The following STK32B variants were observed in gnomAD, a reference collection of about 807,000 sequenced individuals.
STK32B encodes serine/threonine-protein kinase 32B.
In STK32B, 43 loss-of-function variants were observed where a neutral mutation model predicts 52.6. That is an observed-to-expected ratio of 0.82 (90% CI 0.64 to 1.05). The LOEUF (loss-of-function observed/expected upper bound fraction) is 1.05, where lower values mean the gene tolerates loss of function less well. Ranked by LOEUF, STK32B falls within the 50% of genes least tolerant of loss-of-function variation. STK32B has a pLI of 0.00. For missense variants in STK32B, 621 were observed against 534.6 expected, an observed-to-expected ratio of 1.16 and a Z score of -1.59; for synonymous variants, 238 against 204.3, an observed-to-expected ratio of 1.17 and a Z score of -1.41.
intron 1 of STK32B, among the ~76,000 whole-genome samples, chr4:5,106,762 A>G (rs527401901): frequency 1.7e-4 from 26 of 152,254 alleles, no homozygotes; most frequent in African/African-American, 6.0e-4. Context: ...CATGCTATTT[A>G]CTTGTGTAGA....
At chr4:5,382,056 G>C (rs1476766774) in intron 4 of STK32B, among the ~76,000 whole-genome samples, 1 of 152,170 alleles carries the variant, frequency 6.6e-6, no homozygotes, top group East Asian at 1.9e-4. Flanking sequence ...GCTTGCGAGA[G>C]GCCAGTTTCT....
chr4:5,403,621 G>C (rs967179881), intron 5 of STK32B, among the ~76,000 whole-genome samples: 18 of 152,132 alleles, frequency 1.2e-4, no homozygotes, highest in African/African-American at 4.1e-4. Context: ...TCAAAGAATT[G>C]CCTTTCCATC....
chr4:5,169,786 T>G (rs1719212065), intron 3 of STK32B, among the ~76,000 whole-genome samples: 1 of 152,094 alleles, frequency 6.6e-6, no homozygotes, highest in African/African-American at 2.4e-5. Context: ...CAATATGTGT[T>G]CTTGGCAAAA....
At chr4:5,037,177 A>AG in the STK32B span, among the ~76,000 whole-genome samples, 1 of 152,202 alleles carries the variant, frequency 6.6e-6, no homozygotes, top group Non-Finnish European at 1.5e-5. Flanking sequence ...TAGGGCCAGT[A>AG]GCACCACTTC....
chr4:5,289,619 C>T (rs937625456), intron 3 of STK32B, among the ~76,000 whole-genome samples: 8 of 151,466 alleles, frequency 5.3e-5, no homozygotes, highest in African/African-American at 1.2e-4. Context: ...CCCGGGTTCA[C>T]GCCATTCTCC....
At chr4:5,123,748 C>T (rs564060410) in intron 1 of STK32B, among the ~76,000 whole-genome samples, 4 of 152,198 alleles carry the variant, frequency 2.6e-5, no homozygotes, top group South Asian at 4.2e-4. Flanking sequence ...TCCTTAAAGA[C>T]CACATAAGCA....
intron 4 of STK32B, among the ~76,000 whole-genome samples, chr4:5,357,219 G>A (rs1442276809): frequency 1.3e-5 from 2 of 152,110 alleles, no homozygotes; most frequent in African/African-American, 4.8e-5. Context: ...AAACCAAATG[G>A]CAGGTTCACA....
At chr4:5,429,847 A>G (rs893984649) in intron 6 of STK32B, among the ~76,000 whole-genome samples, 1 of 152,128 alleles carries the variant, frequency 6.6e-6, no homozygotes, top group Non-Finnish European at 1.5e-5. Context: ...AACTGGATAC[A>G]GAACTCTGGG....
intron 3 of STK32B, among the ~76,000 whole-genome samples, chr4:5,311,236 C>T (rs1428779256): frequency 6.6e-6 from 1 of 152,092 alleles, no homozygotes; most frequent in Non-Finnish European, 1.5e-5. Context: ...TTGAATGTTA[C>T]CAACACAAAG....
chr4:5,261,367 A>G (rs1726702986), intron 3 of STK32B, among the ~76,000 whole-genome samples: 2 of 152,224 alleles, frequency 1.3e-5, no homozygotes, highest in Admixed American at 6.5e-5. Flanking sequence ...GGAGGCAGCA[A>G]TACCTGTTAG....
At chr4:5,267,686 A>G (rs28562107) in intron 3 of STK32B, among the ~76,000 whole-genome samples, 1,760 of 152,358 alleles carry the variant, frequency 0.012, 21 homozygotes, top group South Asian at 0.056. Flanking sequence ...TGTCTCATCC[A>G]GTCTCACAGC....
At chr4:5,213,212 T>C (rs1723005430) in intron 3 of STK32B, among the ~76,000 whole-genome samples, 1 of 152,198 alleles carries the variant, frequency 6.6e-6, no homozygotes, top group Non-Finnish European at 1.5e-5. Context: ...ACAAATGCTG[T>C]TGGCCCTGAC....
chr4:5,186,720 C>G (rs988246505), intron 3 of STK32B, among the ~76,000 whole-genome samples: 2 of 152,162 alleles, frequency 1.3e-5, no homozygotes, highest in African/African-American at 4.8e-5. Flanking sequence ...CCAGCGCCTC[C>G]TCGACATACC....
chr4:5,305,483 T>A (rs536077694), intron 3 of STK32B, among the ~76,000 whole-genome samples: 1 of 152,120 alleles, frequency 6.6e-6, no homozygotes, highest in African/African-American at 2.4e-5. Flanking sequence ...TTCTAGTTTA[T>A]GTGTGTAAAG....
At chr4:5,229,453 A>C (rs959400595) in intron 3 of STK32B, among the ~76,000 whole-genome samples, 1 of 152,184 alleles carries the variant, frequency 6.6e-6, no homozygotes, top group Admixed American at 6.5e-5. Flanking sequence ...GGAGGAAAGA[A>C]AATAGTTTTC....
intron 4 of STK32B, among the ~76,000 whole-genome samples, chr4:5,355,605 C>T (rs1320004020): frequency 2.0e-5 from 3 of 152,122 alleles, no homozygotes; most frequent in African/African-American, 7.2e-5. Flanking sequence ...TGGGGGCTGT[C>T]CTGTGCACTG....
At chr4:5,417,150 A>G (rs1712234278) in intron 6 of STK32B, among the ~76,000 whole-genome samples, 1 of 152,198 alleles carries the variant, frequency 6.6e-6, no homozygotes, top group African/African-American at 2.4e-5. Flanking sequence ...TTGGTTTTCT[A>G]GAGAACTCCT....
At chr4:5,490,830 T>C (rs1291001399) in intron 11 of STK32B, among the ~76,000 whole-genome samples, 1 of 152,158 alleles carries the variant, frequency 6.6e-6, no homozygotes, top group East Asian at 1.9e-4. Flanking sequence ...GGTGTTTGGT[T>C]TTTTGTTCTT....
intron 11 of STK32B, among the ~76,000 whole-genome samples, chr4:5,473,760 C>T (rs1718020980): frequency 6.6e-6 from 1 of 152,170 alleles, no homozygotes; most frequent in Non-Finnish European, 1.5e-5. Flanking sequence ...GCAGCAAACC[C>T]AGCGCATTTG....
Sources: gnomAD v4.1 joint callset for allele counts (sites outside exome capture counted in the v4.1 genomes callset) on GRCh38, gnomAD v4.1.1 for gene constraint, MANE v1.5 for transcripts, NCBI Gene and HGNC (gene_info 2026-07-23, HGNC 2026-07-21) for gene names.